Variants in EAPP observed in about 807,000 individuals in gnomAD.
EAPP encodes the protein E2F associated phosphoprotein.
In EAPP, 38 loss-of-function variants were observed where a neutral mutation model predicts 34.3. That is an observed-to-expected ratio of 1.11 (90% CI 0.85 to 1.45). The LOEUF (loss-of-function observed/expected upper bound fraction) is 1.45, where lower values mean the gene tolerates loss of function less well. Ranked by LOEUF, EAPP falls within the 40% of genes most tolerant of loss-of-function variation. The pLI, the probability that EAPP is intolerant of heterozygous loss-of-function variation, is 0.00. For missense variants in EAPP, 338 were observed against 343.7 expected (o/e 0.98, Z 0.13); for synonymous variants, 113 against 117.6 (o/e 0.96, Z 0.25).
At chr14:34,518,325 ATTTTTTTTT>A (rs71404852) in intron 5 of EAPP, among the ~76,000 whole-genome samples, 6 of 74,080 alleles carry the variant, frequency 8.1e-5, no homozygotes, top group African/African-American at 1.4e-4. Flanking sequence ...CTCCCTTTAG[ATTTTTTTTT>A]TTTTTTTTTT....
chr14:34,517,500 C>T (rs1022346629), intron 5 of EAPP, among the ~76,000 whole-genome samples: 1 of 152,038 alleles, frequency 6.6e-6, no homozygotes, highest in African/African-American at 2.4e-5. Flanking sequence ...CTGTCCACCT[C>T]GGCCTCCTAA....
intron 3 of EAPP, among the ~76,000 whole-genome samples, chr14:34,531,474 C>T (rs1880289165): frequency 6.6e-6 from 1 of 151,154 alleles, no homozygotes; most frequent in South Asian, 2.1e-4. Context: ...TGGTGACGGG[C>T]ACCTGTAGTC....
At chr14:34,523,620 T>C (rs1879995181) in intron 5 of EAPP, among the ~76,000 whole-genome samples, 1 of 151,176 alleles carries the variant, frequency 6.6e-6, no homozygotes, top group Non-Finnish European at 1.5e-5. Context: ...CACTGCAGTC[T>C]TGAATTCTTG....
intron 1 of EAPP, 183 bp from the exon 2 acceptor site, chr14:34,536,458 ATTTTTTT>A (rs5807779): frequency 0.025 from 3,221 of 129,768 alleles, 20 homozygotes; most frequent in Middle Eastern, 0.067. Context: ...ATCTTCTTTA[ATTTTTTT>A]TTTTTTTTTT....
At position 34,516,518 on chromosome 14, in the gene EAPP, A is replaced by G; in HGVS notation, c.650T>C (p.Val217Ala). ...VMNCSINKEE[V>A]LRYKASENRK... ...GTTCTCTGAGGCTTTATATCTTAGAACCTCCTCTTTGTTAATAGAACAATT... is the reference window on the plus strand; with the variant it reads ...GTTCTCTGAGGCTTTATATCTTAGAGCCTCCTCTTTGTTAATAGAACAATT... Residue 217 changes from valine to alanine, a missense_variant, in exon 6 of 6, where the codon GTT (valine) becomes GCT (alanine). Val to Ala is a moderately conservative substitution (Grantham distance 64). Transcript: ENST00000250454. The G allele has an allele frequency of 1.2e-6, 2 of 1,613,840 alleles. No individual in the cohort carries two copies. The highest frequency in any genetic ancestry group is 1.1e-5 in the South Asian group (1 of 91,070).
intron 5 of EAPP, among the ~76,000 whole-genome samples, chr14:34,517,868 G>C (rs375778000): frequency 6.6e-6 from 1 of 150,846 alleles, no homozygotes; most frequent in Admixed American, 6.6e-5. Context: ...TCTGCCTCCC[G>C]GGTTCAAGCG....
In EAPP at chr14:34,536,186, G is replaced by C. The variant is rs1295082726; in HGVS notation, c.164C>G (p.Ser55Ter). The C allele has an allele frequency of 1.2e-6, 2 of 1,612,782 alleles. No individual in the cohort carries two copies. The highest frequency in any genetic ancestry group is 2.7e-5 in the African/African-American group (2 of 74,878). Residue 55 changes from serine (S) to a stop codon, truncating the protein, a stop_gained, in exon 2 of 6, where the codon TCA (serine) becomes TGA (stop). Coordinates refer to ENST00000250454, the MANE Select transcript of EAPP (RefSeq NM_018453.4). LOFTEE classifies it high-confidence loss of function. ...IRECLTGESE[S>*]SSEDEFEKEM... Reference sequence around the variant, plus strand: ...CTTTTCAAATTCATCTTCACTAGATGATTCACTTTCTCCGGTAAGACATTC... The same window carrying C: ...CTTTTCAAATTCATCTTCACTAGATCATTCACTTTCTCCGGTAAGACATTC...
At chr14:34,533,136 C>A (rs1842055194) in intron 3 of EAPP, among the ~76,000 whole-genome samples, 1 of 152,126 alleles carries the variant, frequency 6.6e-6, no homozygotes, top group Non-Finnish European at 1.5e-5. Context: ...CTGGGTTCAA[C>A]TGATTCTCTT....
At chr14:34,524,655 G>T in intron 5 of EAPP, 42 bp downstream of exon 5, 1 of 950,868 alleles carries the variant, frequency 1.1e-6, no homozygotes, top group Non-Finnish European at 1.6e-6. Flanking sequence ...AACAAAATAT[G>T]TATGTGTGTG....
rs10668919 is a variant in EAPP, at chr14:34,523,526, G to GTTTT, written c.581+1167_581+1170dup. ...AGGCGTGAGCCACCACGCCCAGCCC[G>GTTTT]TTTTTTTTTTTTTTTTGGAGAGAGA... is the stretch of plus-strand genomic sequence containing the variant. On this transcript the variant is annotated intron_variant, in intron 5 of 5. Coordinates refer to ENST00000250454, the MANE Select transcript of EAPP (RefSeq NM_018453.4). 8.9e-3 allele frequency among the ~76,000 whole-genome samples: 1,068 copies of GTTTT among 119,436 alleles called. 46 individuals carry two copies. The highest frequency in any genetic ancestry group is 0.018 in the South Asian group (65 of 3,668). 78.4% of individuals were successfully genotyped at this position (119,436 alleles called of 152,430 possible).
At chr14:34,524,197 C>T (rs751130778) in intron 5 of EAPP, among the ~76,000 whole-genome samples, 16 of 152,134 alleles carry the variant, frequency 1.1e-4, no homozygotes, top group Non-Finnish European at 1.9e-4. Context: ...CAAGATCAGC[C>T]TGGCCAAGAT....
chr14:34,539,173 T>C (rs1880572980), intron 1 of EAPP: 1 of 379,160 alleles, frequency 2.6e-6, no homozygotes, highest in South Asian at 2.1e-5. Flanking sequence ...AAACATAGTG[T>C]GTTATACTAT....
At chr14:34,537,368 A>G (rs1291553539) in intron 1 of EAPP, among the ~76,000 whole-genome samples, 1 of 152,218 alleles carries the variant, frequency 6.6e-6, no homozygotes, top group African/African-American at 2.4e-5. Context: ...AAAATGTTTA[A>G]TTTTTAAAAA....
intron 1 of EAPP, among the ~76,000 whole-genome samples, chr14:34,537,880 T>C (rs1215326469): frequency 6.6e-6 from 1 of 152,220 alleles, no homozygotes; most frequent in Non-Finnish European, 1.5e-5. Flanking sequence ...CAGGCTACAA[T>C]GTATTAGTTT....
At chr14:34,524,918 T>A in intron 4 of EAPP, 111 bp from the exon 5 acceptor site, 1 of 771,598 alleles carries the variant, frequency 1.3e-6, no homozygotes, top group Non-Finnish European at 2.2e-6. Context: ...TGGCTAATTC[T>A]AGGAATAAGG....
At chr14:34,517,287 T>G (rs1879771668) in intron 5 of EAPP, among the ~76,000 whole-genome samples, 1 of 147,302 alleles carries the variant, frequency 6.8e-6, no homozygotes, top group Non-Finnish European at 1.5e-5. Context: ...TCACTCTTGT[T>G]GTCCAGGCTG....
intron 2 of EAPP, 168 bp downstream of exon 2, chr14:34,535,926 T>G: frequency 3.7e-6 from 2 of 533,470 alleles, no homozygotes; most frequent in Non-Finnish European, 6.4e-6. Context: ...CTTTTTTAAA[T>G]GAGAAAAGGA....
rs1880042894 is a variant in EAPP, at chr14:34,524,799, C to T, written c.479G>A (p.Gly160Asp). 1 of 1,612,300 alleles carries T rather than the reference C, an allele frequency of 6.2e-7. No individual in the cohort carries two copies. The highest frequency in any genetic ancestry group is 8.5e-7 in the Non-Finnish European group (1 of 1,179,162). Reference sequence around the variant, plus strand: ...TTGACGTGATCTCTGTGGTCCCAAACCATGGTAACTAGAACAGAAGAAGAA... The same window carrying T: ...TTGACGTGATCTCTGTGGTCCCAAATCATGGTAACTAGAACAGAAGAAGAA... ...WVDAQRRGYH[G>D]LGPQRSRQQQ... Residue 160 changes from glycine to aspartate, a missense_variant, in exon 5 of 6, where the codon GGT becomes GAT. Physicochemically the swap from Gly to Asp is moderately conservative, Grantham distance 94. Transcript: ENST00000250454.
At chr14:34,524,151 G>A (rs370869928) in intron 5 of EAPP, among the ~76,000 whole-genome samples, 8 of 152,252 alleles carry the variant, frequency 5.3e-5, no homozygotes, top group African/African-American at 1.9e-4. Flanking sequence ...CAGCACTTTG[G>A]GAGGCCAACG....
Sources: gnomAD v4.1 joint callset for allele counts (sites outside exome capture counted in the v4.1 genomes callset) on GRCh38, gnomAD v4.1.1 for gene constraint, MANE v1.5 for transcripts, NCBI Gene and HGNC (gene_info 2026-07-23, HGNC 2026-07-21) for gene names.